Variants in ERGIC1 observed in about 807,000 individuals in gnomAD.
The protein encoded by ERGIC1 is endoplasmic reticulum-Golgi intermediate compartment protein 1.
ERGIC1 carries 19 observed loss-of-function variants against 38.3 expected under a neutral mutation model. The ratio of observed to expected loss-of-function variants is 0.50; its 90% CI spans 0.35 to 0.73. The LOEUF is 0.73. Ranked by LOEUF, ERGIC1 falls within the 30% of genes least tolerant of loss-of-function variation. The probability of loss-of-function intolerance (pLI) is 0.01; values close to 1 mark genes in which losing one functional copy is unlikely to be tolerated. For synonymous variants in ERGIC1, 124 were observed against 157.6 expected (o/e 0.79, Z 1.60); for missense variants, 294 against 389.2 (o/e 0.76, Z 2.06).
rs138735066 is a variant in ERGIC1 at position 172,952,096 on chromosome 5, C to T, written c.*1280C>T. ...GGAGCAATGGTCCAGGCATTAATTCCACCCAGGGAATTTTAGCTATGCCCT... is the reference window on the plus strand; with the variant it reads ...GGAGCAATGGTCCAGGCATTAATTCTACCCAGGGAATTTTAGCTATGCCCT... On this transcript the variant is annotated 3_prime_UTR_variant, in exon 10 of 10. Coordinates refer to ENST00000393784, the MANE Select transcript of ERGIC1 (RefSeq NM_001031711.3). 3.1e-4 allele frequency: 47 copies of T among 152,338 alleles called. No homozygotes were observed. The highest frequency in any genetic ancestry group is 8.7e-4 in the African/African-American group (36 of 41,580). 9.4% of individuals were successfully genotyped at this position (152,338 alleles called of 1,614,324 possible). A position where few individuals can be genotyped will look rare whatever the true frequency, so the allele number is the denominator to read the frequency against.
chr5:172,870,067 CTT>C (rs780670935), intron 1 of ERGIC1, among the ~76,000 whole-genome samples: 2 of 152,194 alleles, frequency 1.3e-5, no homozygotes, highest in Non-Finnish European at 2.9e-5. Flanking sequence ...CTCTCTCTCT[CTT>C]CTTGCTGTAT....
At position 172,915,076 on chromosome 5, in the gene ERGIC1, T is replaced by C. The variant is rs190581139; in HGVS notation, c.375+238T>C. The C allele has an allele frequency of 7.0e-4, 508 of 721,970 alleles. 1 individual carries two copies. In the Middle Eastern group the frequency reaches 7.5e-3, roughly 11 times the overall value. 44.7% of individuals were successfully genotyped at this position (721,970 alleles called of 1,614,324 possible). A position where few individuals can be genotyped will look rare whatever the true frequency, so the allele number is the denominator to read the frequency against. The stretch of plus-strand genomic sequence containing the variant: ...AGGAAGGAGCTACTCTTCTCTCCAG[T>C]GAGGGGGACAATGATGAGAAGACCT... On this transcript the variant is annotated intron_variant, in intron 5 of 9. Coordinates refer to ENST00000393784, the MANE Select transcript of ERGIC1 (RefSeq NM_001031711.3).
intron 2 of ERGIC1, among the ~76,000 whole-genome samples, chr5:172,894,219 G>T: frequency 1.3e-5 from 1 of 74,510 alleles, no homozygotes; most frequent in Non-Finnish European, 2.5e-5. Context: ...TTTTTGAGAC[G>T]GAGTCTTGCT....
rs541151037 is a variant in ERGIC1 at position 172,852,267 on chromosome 5, G to A, written c.20+17834G>A. On this transcript the variant is annotated intron_variant, in intron 1 of 9. Transcript: ENST00000393784. ...GAGTGAGGCCCAGAGGCAGCTTTTC[G>A]TTTTCCAAAACGCAGGCAGGGTCTG... Among the ~76,000 whole-genome samples, 11 of 152,302 alleles carry A rather than the reference G, an allele frequency of 7.2e-5. No individual in the cohort carries two copies. The East Asian group carries it at 7.7e-4, about 11-fold the overall frequency.
At chr5:172,840,987 T>G (rs1738422577) in intron 1 of ERGIC1, among the ~76,000 whole-genome samples, 1 of 152,194 alleles carries the variant, frequency 6.6e-6, no homozygotes, top group Non-Finnish European at 1.5e-5. Flanking sequence ...CCAGAGTTAT[T>G]TGGTTCAGCC....
intron 2 of ERGIC1, among the ~76,000 whole-genome samples, chr5:172,891,444 GT>G (rs752247325): frequency 0.032 from 4,697 of 144,588 alleles, 114 homozygotes; most frequent in Non-Finnish European, 0.045. Flanking sequence ...TATTTAGGCT[GT>G]TTTTTTTTTT....
chr5:172,943,722 C>G (rs536950433), intron 9 of ERGIC1, among the ~76,000 whole-genome samples: 1 of 152,314 alleles, frequency 6.6e-6, no homozygotes, highest in African/African-American at 2.4e-5. Flanking sequence ...GGAGTGTTTA[C>G]TCCAAAGCCC....
At chr5:172,838,459 G>A (rs1418418253) in intron 1 of ERGIC1, among the ~76,000 whole-genome samples, 1 of 152,068 alleles carries the variant, frequency 6.6e-6, no homozygotes, top group Non-Finnish European at 1.5e-5. Context: ...CCTTCTGAGT[G>A]GTCTTTCTCC....
chr5:172,910,991 T>G (rs1443432132), intron 4 of ERGIC1, among the ~76,000 whole-genome samples: 1 of 152,176 alleles, frequency 6.6e-6, no homozygotes, highest in East Asian at 1.9e-4. Context: ...CTGAGGTTCT[T>G]GGGAGAATCT....
At position 172,912,550 on chromosome 5, in the gene ERGIC1, G is replaced by T. The variant is rs1470934489; in HGVS notation, c.251-2164G>T. On this transcript the variant is annotated intron_variant, in intron 4 of 9. Coordinates refer to ENST00000393784, the MANE Select transcript of ERGIC1 (RefSeq NM_001031711.3). The stretch of plus-strand genomic sequence containing the variant: ...TTACAGGTGCCCGCCACCGTGCCCG[G>T]CTAATTTTTTGTATTCTTAGTAGAG... Among the ~76,000 whole-genome samples, 3 of 152,030 alleles carry T rather than the reference G, an allele frequency of 2.0e-5. No individual in the cohort carries two copies. The East Asian group carries it at 5.8e-4, about 30-fold the overall frequency.
At chr5:172,839,226 G>A (rs1250271749) in intron 1 of ERGIC1, among the ~76,000 whole-genome samples, 2 of 140,964 alleles carry the variant, frequency 1.4e-5, no homozygotes, top group South Asian at 2.3e-4. Context: ...GGCCAACAGA[G>A]CGAGACTCTG....
intron 3 of ERGIC1, among the ~76,000 whole-genome samples, chr5:172,908,310 G>GA (rs1462318026): frequency 3.5e-5 from 1 of 28,676 alleles, no homozygotes; most frequent in Non-Finnish European, 7.2e-5. Flanking sequence ...CGGGGGCGGG[G>GA]GGGGGGGGAG....
chr5:172,843,957 AT>A (rs1362324033), intron 1 of ERGIC1, among the ~76,000 whole-genome samples: 2 of 152,078 alleles, frequency 1.3e-5, no homozygotes, highest in Admixed American at 1.3e-4. Context: ...GCGGGAGGAC[AT>A]TTCCCTCTCC....
chr5:172,944,803 T>A (rs1764085125), intron 9 of ERGIC1, among the ~76,000 whole-genome samples: 1 of 152,182 alleles, frequency 6.6e-6, no homozygotes, highest in Non-Finnish European at 1.5e-5. Context: ...GTGCAGGGTC[T>A]CCAGGCACAG....
intron 1 of ERGIC1, among the ~76,000 whole-genome samples, chr5:172,864,637 C>T (rs1381509099): frequency 4.6e-5 from 7 of 151,174 alleles, no homozygotes; most frequent in African/African-American, 1.5e-4. Flanking sequence ...TTTTTAAATG[C>T]TGGTTGCAAT....
chr5:172,925,602 C>G (rs566003683), intron 6 of ERGIC1, among the ~76,000 whole-genome samples: 2 of 152,140 alleles, frequency 1.3e-5, no homozygotes, highest in Non-Finnish European at 2.9e-5. Context: ...TCTCCGATGT[C>G]TCCTCCTTCC....
chr5:172,841,951 C>A (rs1173206274), intron 1 of ERGIC1, among the ~76,000 whole-genome samples: 3 of 152,220 alleles, frequency 2.0e-5, no homozygotes, highest in Non-Finnish European at 2.9e-5. Flanking sequence ...AGATACAGGA[C>A]AGCTCCATCT....
At chr5:172,899,404 G>A (rs1395246709) in intron 3 of ERGIC1, among the ~76,000 whole-genome samples, 1 of 131,922 alleles carries the variant, frequency 7.6e-6, no homozygotes, top group Non-Finnish European at 1.5e-5. Context: ...TGCAAGCTCC[G>A]CCTCCCGAGT....
chr5:172,947,876 T>TTTTGTGTGTG (rs112085261), intron 9 of ERGIC1, among the ~76,000 whole-genome samples: 1 of 145,728 alleles, frequency 6.9e-6, no homozygotes, highest in African/African-American at 2.5e-5. Context: ...CAGATGTGTT[T>TTTTGTGTGTG]TGTGTGTGTG....
Sources: allele counts gnomAD v4.1 joint callset (sites outside exome capture counted in the v4.1 genomes callset), GRCh38; gene constraint gnomAD v4.1.1; transcripts MANE v1.5; gene names NCBI Gene and HGNC (gene_info 2026-07-23, HGNC 2026-07-21).